Variants in TDRD10 observed in about 807,000 individuals in gnomAD.
TDRD10 encodes tudor domain containing 10.
Under a neutral mutation model 48.0 loss-of-function variants are expected in TDRD10, and 40 were observed. That is an observed-to-expected ratio of 0.83 (90% CI 0.65 to 1.09). The LOEUF (loss-of-function observed/expected upper bound fraction) is 1.09. TDRD10 is among the 50% of genes least tolerant of loss of function. TDRD10 has a pLI of 0.00. For synonymous variants in TDRD10, 162 were observed against 170.4 expected (o/e 0.95, Z 0.38); for missense variants, 378 against 434.7 (o/e 0.87, Z 1.16).
At chr1:154,540,606 C>G (rs1006337216) in intron 6 of TDRD10, among the ~76,000 whole-genome samples, 1 of 151,052 alleles carries the variant, frequency 6.6e-6, no homozygotes, top group Admixed American at 6.6e-5. Flanking sequence ...GCTCCTTGGG[C>G]GGGTCTGTTG....
intron 6 of TDRD10, among the ~76,000 whole-genome samples, chr1:154,540,947 A>G (rs1695193886): frequency 6.6e-6 from 1 of 152,150 alleles, no homozygotes; most frequent in South Asian, 2.1e-4. Context: ...CAGGGGAGTG[A>G]CCATTGGATT....
chr1:154,531,228 G>A (rs1445186084), intron 6 of TDRD10, among the ~76,000 whole-genome samples: 1 of 152,148 alleles, frequency 6.6e-6, no homozygotes, highest in Non-Finnish European at 1.5e-5. Context: ...GAAGCATTTT[G>A]TCGTGGCTGC....
At chr1:154,517,077 G>A (rs1693809144) in intron 4 of TDRD10, among the ~76,000 whole-genome samples, 1 of 152,202 alleles carries the variant, frequency 6.6e-6, no homozygotes, top group African/African-American at 2.4e-5. Flanking sequence ...ACTGGGGAGT[G>A]TAGTTGGAGA....
chr1:154,526,308 G>A (rs1431455290), intron 6 of TDRD10, among the ~76,000 whole-genome samples: 1 of 152,042 alleles, frequency 6.6e-6, no homozygotes, highest in Non-Finnish European at 1.5e-5. Context: ...CTGGAGCCTG[G>A]GAGGTGTAGT....
At chr1:154,527,773 AG>A (rs1694390250) in intron 6 of TDRD10, among the ~76,000 whole-genome samples, 1 of 152,260 alleles carries the variant, frequency 6.6e-6, no homozygotes. Context: ...GGATCAGGAA[AG>A]GTGTCATAGA....
intron 11 of TDRD10, among the ~76,000 whole-genome samples, chr1:154,545,335 ATGCCAGTG>A (rs1429162732): frequency 9.8e-5 from 15 of 152,316 alleles, no homozygotes; most frequent in Non-Finnish European, 2.9e-5. Flanking sequence ...TAGCACTCGA[ATGCCAGTG>A]CTAGACGCCA....
At chr1:154,542,843 C>T in intron 8 of TDRD10, 22 bp downstream of exon 8, 1 of 1,596,112 alleles carries the variant, frequency 6.3e-7, no homozygotes, top group Non-Finnish European at 8.6e-7. Flanking sequence ...ATAGAAAGAC[C>T]ACCAGGGCAA....
intron 6 of TDRD10, among the ~76,000 whole-genome samples, chr1:154,541,008 C>G (rs776092581): frequency 2.6e-5 from 4 of 152,084 alleles, no homozygotes; most frequent in Non-Finnish European, 5.9e-5. Context: ...TTGGGGAAGC[C>G]TGAGAGGAGA....
chr1:154,539,888 A>C (rs977977258), intron 6 of TDRD10, among the ~76,000 whole-genome samples: 1 of 152,202 alleles, frequency 6.6e-6, no homozygotes, highest in African/African-American at 2.4e-5. Flanking sequence ...GGGGCCCCCA[A>C]TGCCAGCTCA....
At chr1:154,522,488 T>C (rs1479944926) in intron 6 of TDRD10, among the ~76,000 whole-genome samples, 1 of 151,958 alleles carries the variant, frequency 6.6e-6, no homozygotes, top group Non-Finnish European at 1.5e-5. Flanking sequence ...GAGAGATGGG[T>C]TGGAATTATT....
At chr1:154,542,600 T>A (rs1695305455) in intron 7 of TDRD10, 131 bp from the exon 8 acceptor site, 1 of 621,832 alleles carries the variant, frequency 1.6e-6, no homozygotes, top group Non-Finnish European at 2.8e-6. Flanking sequence ...GACTGAGAAG[T>A]TGGAGGGTGC....
At chr1:154,507,825 A>G (rs1312211647) in intron 3 of TDRD10, among the ~76,000 whole-genome samples, 1 of 151,974 alleles carries the variant, frequency 6.6e-6, no homozygotes, top group African/African-American at 2.4e-5. Context: ...CAATTTCCCA[A>G]ATGTGCTCAG....
At chr1:154,544,552 AG>A (rs1167411859) in intron 10 of TDRD10, 35 bp downstream of exon 10, 2 of 1,595,600 alleles carry the variant, frequency 1.3e-6, no homozygotes, top group Admixed American at 1.7e-5. Context: ...TCTATGGGAG[AG>A]GCGTGCAGGG....
chr1:154,521,428 A>C lies in TDRD10; in HGVS notation c.318A>C (p.Lys106Asn). 1.2e-6 allele frequency: 2 copies of C among 1,614,144 alleles called. No homozygotes were observed. The highest frequency in any genetic ancestry group is 1.7e-6 in the Non-Finnish European group (2 of 1,180,034). ...GAAAACTGTTCGTGAATACAAGCAA[A>C]AGGCCCCCCAAGAGGACCCCTGATA... is the stretch of plus-strand genomic sequence containing the variant. ...HKRKLFVNTS[K>N]RPPKRTPDMI... The change falls in exon 6 of 13, where the codon AAA becomes AAC. Residue 106 changes from lysine (K) to asparagine (N), a missense_variant. Lys to Asn is a moderately conservative substitution (Grantham distance 94). Around this residue, in one of 2 missense-constraint regions of TDRD10, gnomAD observed 310 missense variants for 323.6 expected, o/e 0.96. Transcript: ENST00000368482.
chr1:154,545,994 C>T (rs1263105981), intron 11 of TDRD10, among the ~76,000 whole-genome samples: 1 of 137,156 alleles, frequency 7.3e-6, no homozygotes, highest in East Asian at 2.2e-4. Context: ...AGACTGGTCT[C>T]GAACTCCTGA....
chr1:154,506,790 A>G, intron 1 of TDRD10, 87 bp from the exon 2 acceptor site: 1 of 1,196,524 alleles, frequency 8.4e-7, no homozygotes, highest in Non-Finnish European at 1.2e-6. Flanking sequence ...GGGAGGCATT[A>G]TTCTGCTTAC....
intron 8 of TDRD10, 107 bp downstream of exon 8, chr1:154,542,928 G>T: frequency 1.1e-6 from 1 of 869,650 alleles, no homozygotes; most frequent in Non-Finnish European, 1.8e-6. Context: ...ATAGTTTTCG[G>T]GAACTCCTGT....
Position 154,542,764 on chromosome 1 carries a change from A to G in TDRD10, c.446A>G (p.Asp149Gly), listed in dbSNP as rs1332523460. ...CAGCTCGCTCCTAAAGCTCCTGTTG[A>G]CCTGTGTGAGACAGAGAAACTGAGG... The part of the protein sequence containing the change: ...IIQLAPKAPV[D>G]LCETEKLRAA... The change falls in exon 8 of 13, where the codon GAC becomes GGC. Residue 149 changes from aspartate (D) to glycine (G), a missense_variant. Asp to Gly is a moderately conservative substitution (Grantham distance 94). Around this residue, in one of 2 missense-constraint regions of TDRD10, gnomAD observed 310 missense variants for 323.6 expected, o/e 0.96. Coordinates refer to ENST00000368482, the MANE Select transcript of TDRD10 (RefSeq NM_182499.4). 6.2e-7 allele frequency: 1 copy of G among 1,613,874 alleles called. No individual in the cohort carries two copies. Among genetic ancestry groups the G allele is most frequent in the Non-Finnish European group, 8.5e-7 (1 of 1,179,892 alleles).
At chr1:154,512,996 T>C (rs760921217) in intron 4 of TDRD10, among the ~76,000 whole-genome samples, 3 of 152,222 alleles carry the variant, frequency 2.0e-5, no homozygotes, top group Non-Finnish European at 4.4e-5. Context: ...AGAGATGTTA[T>C]GATGAAACGG....
Sources: allele counts gnomAD v4.1 joint callset (sites outside exome capture counted in the v4.1 genomes callset), GRCh38; gene constraint gnomAD v4.1.1; regional missense constraint gnomAD v4.1.1; transcripts MANE v1.5; gene names NCBI Gene and HGNC (gene_info 2026-07-23, HGNC 2026-07-21).